The following EYA4 variants were observed in gnomAD, a reference collection of about 807,000 sequenced individuals.
The protein encoded by EYA4 is EYA transcriptional coactivator and phosphatase 4.
EYA4 carries 31 observed loss-of-function variants against 87.9 expected under a neutral mutation model. The observed-to-expected ratio is 0.35, with a 90% CI of 0.27 to 0.48. The LOEUF is 0.48. EYA4 is among the 20% of genes least tolerant of loss of function. The pLI, the probability that EYA4 is intolerant of heterozygous loss-of-function variation, is 0.99. For missense variants in EYA4, 678 were observed against 761.4 expected (o/e 0.89, Z 1.29); for synonymous variants, 263 against 270.6 (o/e 0.97, Z 0.28).
chr6:133,241,972 C>T (rs916145718), intron 1 of EYA4, among the ~76,000 whole-genome samples: 7 of 152,166 alleles, frequency 4.6e-5, no homozygotes, highest in Non-Finnish European at 8.8e-5. Flanking sequence ...CGGACCGCAG[C>T]GGTGCTCTCT....
chr6:133,372,585 T>A (rs1011341581), intron 2 of EYA4, among the ~76,000 whole-genome samples: 1 of 151,734 alleles, frequency 6.6e-6, no homozygotes. Context: ...TTTTTTTTTA[T>A]TGTATAAAGC....
At chr6:133,416,667 A>C (rs182057008) in intron 3 of EYA4, among the ~76,000 whole-genome samples, 1 of 152,374 alleles carries the variant, frequency 6.6e-6, no homozygotes, top group African/African-American at 2.4e-5. Flanking sequence ...CTGCACATGC[A>C]TAAGAATTTA....
rs542338544 is a variant in EYA4 at position 133,354,611 on chromosome 6, A to G, written c.34-27781A>G. The stretch of plus-strand genomic sequence containing the variant: ...CAAATTCTTTGCTCTCTGATTCTAA[A>G]TATGTACTAATTTCCATTGCCGTAT... On this transcript the variant is annotated intron_variant, in intron 2 of 19. Coordinates refer to ENST00000355286, the MANE Select transcript of EYA4 (RefSeq NM_004100.5). 5.9e-5 allele frequency among the ~76,000 whole-genome samples: 9 copies of G among 152,306 alleles called. No individual in the cohort carries two copies. The South Asian group carries it at 1.9e-3, about 32-fold the overall frequency.
chr6:133,521,410 A>G (rs1800120081), intron 17 of EYA4, among the ~76,000 whole-genome samples: 2 of 141,984 alleles, frequency 1.4e-5, no homozygotes, highest in Admixed American at 7.0e-5. Flanking sequence ...CAAAACCACA[A>G]TGAGATACCA....
At position 133,283,700 on chromosome 6, in the gene EYA4, G is replaced by A. The variant is rs182440969; in HGVS notation, c.33+8887G>A. On this transcript the variant is annotated intron_variant, in intron 2 of 19. Transcript: ENST00000355286. ...GTTTTTTTAAATATGTAAGTTTAAG[G>A]GGTACAAGTGTGGTTTTGTTACGTG... 3.0e-3 allele frequency among the ~76,000 whole-genome samples: 459 copies of A among 152,210 alleles called. 2 individuals carry two copies. Among genetic ancestry groups the A allele is most frequent in the South Asian group, 0.011 (52 of 4,812 alleles).
intron 1 of EYA4, among the ~76,000 whole-genome samples, chr6:133,259,919 C>A (rs1775657624): frequency 6.6e-6 from 1 of 152,154 alleles, no homozygotes; most frequent in Non-Finnish European, 1.5e-5. Context: ...GGGATGGGCA[C>A]ACACTTCTTG....
chr6:133,462,724 C>T lies in EYA4; in HGVS notation c.684C>T (p.Thr228=). ...TCAGTTACAGCCCAGGGTTCTCTACCCCACAGCCAGGCCAGACACCTTATT... is the reference window on the plus strand; with the variant it reads ...TCAGTTACAGCCCAGGGTTCTCTACTCCACAGCCAGGCCAGACACCTTATT... ...GCLSYSPGFS[T]PQPGQTPYSY... is the part of the protein sequence containing the mutation. Residue 228 remains threonine (T), a synonymous_variant, in exon 9 of 20, where the codon ACC becomes ACT. Coordinates refer to ENST00000355286, the MANE Select transcript of EYA4 (RefSeq NM_004100.5). The T allele has an allele frequency of 1.2e-6, 2 of 1,613,856 alleles. No homozygotes were observed. Among genetic ancestry groups the T allele is most frequent in the Non-Finnish European group, 8.5e-7 (1 of 1,179,900 alleles).
chr6:133,278,283 C>A (rs1582827153), intron 2 of EYA4, among the ~76,000 whole-genome samples: 1 of 152,142 alleles, frequency 6.6e-6, no homozygotes, highest in Non-Finnish European at 1.5e-5. Context: ...TCTCAGACTA[C>A]CTCCTTTCTT....
chr6:133,295,637 A>G (rs780743400), intron 2 of EYA4, among the ~76,000 whole-genome samples: 2 of 152,180 alleles, frequency 1.3e-5, no homozygotes, highest in Middle Eastern at 3.2e-3. Context: ...GGGTATTTAC[A>G]TTCTCTTTTT....
chr6:133,387,703 A>G (rs1421226110), intron 3 of EYA4, among the ~76,000 whole-genome samples: 3 of 152,226 alleles, frequency 2.0e-5, no homozygotes, highest in Non-Finnish European at 4.4e-5. Flanking sequence ...TAGATATTCT[A>G]ATAGTTAAAT....
chr6:133,442,184 A>G (rs1454260138), intron 3 of EYA4, among the ~76,000 whole-genome samples: 2 of 151,994 alleles, frequency 1.3e-5, no homozygotes, highest in Non-Finnish European at 2.9e-5. Flanking sequence ...TAGGAGTCAT[A>G]TTTTTCTGCT....
chr6:133,497,867 G>A (rs1797768949), intron 13 of EYA4, among the ~76,000 whole-genome samples: 1 of 152,164 alleles, frequency 6.6e-6, no homozygotes, highest in African/African-American at 2.4e-5. Context: ...GGGAAAAAGT[G>A]AAGGAACTGC....
At chr6:133,518,887 T>A (rs909988769) in intron 17 of EYA4, among the ~76,000 whole-genome samples, 15 of 151,938 alleles carry the variant, frequency 9.9e-5, no homozygotes, top group African/African-American at 3.6e-4. Context: ...AACCTGCTCC[T>A]GAATGACTAC....
intron 2 of EYA4, among the ~76,000 whole-genome samples, chr6:133,304,621 T>G (rs1231193819): frequency 1.3e-5 from 2 of 152,130 alleles, no homozygotes; most frequent in African/African-American, 4.8e-5. Flanking sequence ...AGACTTGAAC[T>G]TTATCTTGAG....
chr6:133,343,877 C>G (rs1783002144), intron 2 of EYA4, among the ~76,000 whole-genome samples: 1 of 151,900 alleles, frequency 6.6e-6, no homozygotes, highest in Admixed American at 6.6e-5. Context: ...GATGGAAGGT[C>G]AAATATATAT....
chr6:133,359,252 G>C lies in EYA4; in HGVS notation c.34-23140G>C, dbSNP rs1242229424. Among the ~76,000 whole-genome samples, 4 of 152,192 alleles carry C rather than the reference G, an allele frequency of 2.6e-5. No homozygotes were observed. The South Asian group carries it at 8.3e-4, about 32-fold the overall frequency. ...GCCCAAGGTCACCCTGCTGGGAGGG[G>C]AGGATGAAAGCTCCAGCCTCCTTTG... On this transcript the variant is annotated intron_variant, in intron 2 of 19. Transcript: ENST00000355286.
chr6:133,346,920 G>A (rs1174715117), intron 2 of EYA4, among the ~76,000 whole-genome samples: 2 of 152,318 alleles, frequency 1.3e-5, no homozygotes, highest in Non-Finnish European at 2.9e-5. Flanking sequence ...GATGATGTGT[G>A]ACCAAATTAC....
At chr6:133,260,491 G>C (rs1012621526) in intron 1 of EYA4, among the ~76,000 whole-genome samples, 4 of 152,138 alleles carry the variant, frequency 2.6e-5, no homozygotes, top group Admixed American at 6.5e-5. Context: ...GCCTGCCTGA[G>C]CCTCCCAATG....
At chr6:133,433,160 T>G (rs1262471741) in intron 3 of EYA4, among the ~76,000 whole-genome samples, 1 of 152,218 alleles carries the variant, frequency 6.6e-6, no homozygotes, top group Admixed American at 6.5e-5. Context: ...TTCTTGTGAA[T>G]TGCTGGTTCT....
Sources: allele counts gnomAD v4.1 joint callset (sites outside exome capture counted in the v4.1 genomes callset), GRCh38; gene constraint gnomAD v4.1.1; transcripts MANE v1.5; gene names NCBI Gene and HGNC (gene_info 2026-07-23, HGNC 2026-07-21).